MSRA: variants seen among roughly 807,000 people sequenced by gnomAD.
MSRA encodes mitochondrial peptide methionine sulfoxide reductase.
In MSRA, 54 loss-of-function variants were observed where a neutral mutation model predicts 31.3. The observed-to-expected ratio is 1.73, with a 90% CI of 1.39 to 2.17. The LOEUF (loss-of-function observed/expected upper bound fraction) is 2.17, where lower values mean the gene tolerates loss of function less well. Among genes scored for constraint, MSRA ranks in the 30% most tolerant of loss-of-function variants. The probability of loss-of-function intolerance (pLI) is 0.00; values close to 1 mark genes in which losing one functional copy is unlikely to be tolerated. For missense variants in MSRA, 507 were observed against 300.9 expected, an observed-to-expected ratio of 1.69 and a Z score of -5.07; for synonymous variants, 169 against 116.5, an observed-to-expected ratio of 1.45 and a Z score of -2.90.
At chr8:10,260,757 G>T (rs964808404) in intron 3 of MSRA, among the ~76,000 whole-genome samples, 27 of 151,886 alleles carry the variant, frequency 1.8e-4, no homozygotes, top group African/African-American at 5.8e-4. Context: ...TTGTGTGCGT[G>T]TGTGTGTGCT....
At chr8:10,335,972 G>C (rs1027821086) in intron 5 of MSRA, among the ~76,000 whole-genome samples, 8 of 152,106 alleles carry the variant, frequency 5.3e-5, no homozygotes, top group African/African-American at 1.2e-4. Context: ...CAAGCTCTGT[G>C]CATGCTCTTT....
In MSRA at chr8:10,250,382, G is replaced by C. The variant is rs1469218367; in HGVS notation, c.331+5159G>C. ...CATTTCTGGCAAGAAAACCCAGGAT[G>C]TTCATTCACTGGGTAATATCTTTTC... is the stretch of plus-strand genomic sequence containing the variant. On this transcript the variant is annotated intron_variant, in intron 3 of 5. Transcript: ENST00000317173. 7.1e-6 allele frequency: 5 copies of C among 700,574 alleles called. No homozygotes were observed. In the Admixed American group the frequency reaches 8.0e-5, roughly 11 times the overall value. 43.4% of individuals were successfully genotyped at this position (700,574 alleles called of 1,614,324 possible).
intron 4 of MSRA, among the ~76,000 whole-genome samples, chr8:10,317,119 T>A (rs1801770046): frequency 6.6e-6 from 1 of 152,210 alleles, no homozygotes; most frequent in Non-Finnish European, 1.5e-5. Flanking sequence ...ACAGTCCTGC[T>A]AATGAGATTG....
intron 1 of MSRA, among the ~76,000 whole-genome samples, chr8:10,093,165 A>C (rs1798943051): frequency 6.6e-6 from 1 of 152,074 alleles, no homozygotes; most frequent in Non-Finnish European, 1.5e-5. Context: ...TTTTAATTGG[A>C]GTGTTTAATT....
intron 1 of MSRA, among the ~76,000 whole-genome samples, chr8:10,195,440 C>T (rs188618793): frequency 2.8e-4 from 42 of 152,290 alleles, no homozygotes; most frequent in East Asian, 1.2e-3. Flanking sequence ...GGGGGTTCCC[C>T]ATGTTGCCCA....
chr8:10,193,925 G>GT (rs1204778105), intron 1 of MSRA, among the ~76,000 whole-genome samples: 1 of 152,098 alleles, frequency 6.6e-6, no homozygotes, highest in Non-Finnish European at 1.5e-5. Flanking sequence ...GAGCTTCATA[G>GT]TAAAAACTTG....
intron 5 of MSRA, among the ~76,000 whole-genome samples, chr8:10,332,108 T>C (rs1291411106): frequency 6.6e-6 from 1 of 152,184 alleles, no homozygotes; most frequent in Non-Finnish European, 1.5e-5. Flanking sequence ...GAAAATGTCA[T>C]GGTTATCTGT....
chr8:10,389,740 CTTTTTTT>C (rs35603997), intron 5 of MSRA, among the ~76,000 whole-genome samples: 1 of 109,290 alleles, frequency 9.1e-6, no homozygotes, highest in Admixed American at 9.6e-5. Flanking sequence ...CAGAAGCTTG[CTTTTTTT>C]TTTTTTTTTT....
intron 1 of MSRA, among the ~76,000 whole-genome samples, chr8:10,080,596 G>A (rs1310461963): frequency 2.0e-5 from 3 of 152,014 alleles, no homozygotes; most frequent in Non-Finnish European, 2.9e-5. Context: ...CACAGTCCCA[G>A]CTTACTGCAG....
At chr8:10,372,338 C>T (rs1805525068) in intron 5 of MSRA, among the ~76,000 whole-genome samples, 1 of 152,202 alleles carries the variant, frequency 6.6e-6, no homozygotes, top group South Asian at 2.1e-4. Flanking sequence ...CAAGGGAACT[C>T]CATGGAGATT....
chr8:10,313,739 A>G (rs1801563842), intron 4 of MSRA, among the ~76,000 whole-genome samples: 1 of 152,262 alleles, frequency 6.6e-6, no homozygotes, highest in African/African-American at 2.4e-5. Context: ...AGATACTTGC[A>G]TAAGAACAAG....
At chr8:10,208,363 A>C (rs1389012185) in intron 2 of MSRA, among the ~76,000 whole-genome samples, 1 of 152,284 alleles carries the variant, frequency 6.6e-6, no homozygotes, top group Non-Finnish European at 1.5e-5. Context: ...ACATTAATTA[A>C]AAATGTTTTC....
chr8:10,354,748 G>GTATATATATATATATA (rs1477165567), intron 5 of MSRA, among the ~76,000 whole-genome samples: 3 of 129,032 alleles, frequency 2.3e-5, no homozygotes, highest in Admixed American at 7.6e-5. Flanking sequence ...GTGTGTGTGT[G>GTATATATATATATATA]TGTATATATA....
intron 4 of MSRA, among the ~76,000 whole-genome samples, chr8:10,317,665 C>G (rs193065335): frequency 3.2e-3 from 487 of 152,310 alleles, no homozygotes; most frequent in Non-Finnish European, 5.4e-3. Flanking sequence ...GCCAGTAATT[C>G]TCTTTCCACT....
intron 1 of MSRA, among the ~76,000 whole-genome samples, chr8:10,127,974 C>G (rs12542030): frequency 0.59 from 88,966 of 151,858 alleles, 26,247 homozygotes; most frequent in Middle Eastern, 0.68. Context: ...GTGTTTCACA[C>G]TGGGGCAAGT....
At chr8:10,207,015 C>G (rs1374227045) in intron 1 of MSRA, among the ~76,000 whole-genome samples, 1 of 152,198 alleles carries the variant, frequency 6.6e-6, no homozygotes, top group Non-Finnish European at 1.5e-5. Flanking sequence ...AGCGTCTTAG[C>G]TATCCTTTTC....
intron 1 of MSRA, among the ~76,000 whole-genome samples, chr8:10,108,798 G>T (rs1800070421): frequency 6.9e-6 from 1 of 145,902 alleles, no homozygotes; most frequent in African/African-American, 2.5e-5. Flanking sequence ...CAAATGAGTT[G>T]TTGGGAAATT....
intron 1 of MSRA, among the ~76,000 whole-genome samples, chr8:10,167,877 C>T (rs1035174416): frequency 3.3e-5 from 5 of 152,118 alleles, no homozygotes; most frequent in Admixed American, 3.3e-4. Flanking sequence ...AAAAACATTG[C>T]CACTGCCCTA....
intron 3 of MSRA, among the ~76,000 whole-genome samples, chr8:10,279,875 A>G (rs371885525): frequency 6.6e-6 from 1 of 152,212 alleles, no homozygotes; most frequent in East Asian, 1.9e-4. Flanking sequence ...GCTATTTCAA[A>G]TATCTATGAC....
Sources: allele counts gnomAD v4.1 joint callset (sites outside exome capture counted in the v4.1 genomes callset), GRCh38; gene constraint gnomAD v4.1.1; transcripts MANE v1.5; gene names NCBI Gene and HGNC (gene_info 2026-07-23, HGNC 2026-07-21).